GRIK4: variants seen among roughly 807,000 people sequenced by gnomAD.
GRIK4 encodes glutamate receptor ionotropic, kainate 4.
A neutral mutation model predicts 104.9 loss-of-function variants in GRIK4; 40 were observed. The observed-to-expected ratio is 0.38, with a 90% confidence interval of 0.30 to 0.50. The LOEUF is 0.50. Among genes scored for constraint, GRIK4 ranks in the 20% least tolerant of loss-of-function variants. The pLI, the probability that GRIK4 is intolerant of heterozygous loss-of-function variation, is 0.93. For synonymous variants in GRIK4, 485 were observed against 524.9 expected (o/e 0.92, Z 1.04); for missense variants, 1,047 against 1,308.1 (o/e 0.80, Z 3.08).
chr11:120,754,347 G>A (rs894239278), intron 3 of GRIK4, among the ~76,000 whole-genome samples: 9 of 152,206 alleles, frequency 5.9e-5, no homozygotes, highest in Admixed American at 5.9e-4. Flanking sequence ...CAGACAATGT[G>A]TGGCCTTTTG....
intron 19 of GRIK4, among the ~76,000 whole-genome samples, chr11:120,970,033 C>T (rs1292946261): frequency 6.6e-6 from 1 of 152,116 alleles, no homozygotes; most frequent in Non-Finnish European, 1.5e-5. Context: ...TCCTAGCCTC[C>T]CCAACAGAGC....
At chr11:120,814,071 A>G (rs1276328446) in intron 4 of GRIK4, among the ~76,000 whole-genome samples, 1 of 152,184 alleles carries the variant, frequency 6.6e-6, no homozygotes, top group African/African-American at 2.4e-5. Flanking sequence ...ATTCCTTTAG[A>G]CATTCACACA....
chr11:120,904,525 G>A (rs17124520), intron 12 of GRIK4, among the ~76,000 whole-genome samples: 12,241 of 152,190 alleles, frequency 0.08, 1,605 homozygotes, highest in African/African-American at 0.27. Context: ...TTCCTTACTC[G>A]CAGCCTTGCG....
intron 18 of GRIK4, among the ~76,000 whole-genome samples, chr11:120,966,891 G>A (rs537795774): frequency 6.6e-6 from 1 of 152,308 alleles, no homozygotes; most frequent in African/African-American, 2.4e-5. Context: ...TGCCTGGAAA[G>A]CCGTTTCTTG....
At chr11:120,580,203 C>CT (rs1948553178) in intron 1 of GRIK4, among the ~76,000 whole-genome samples, 1 of 65,056 alleles carries the variant, frequency 1.5e-5, no homozygotes, top group African/African-American at 6.5e-5. Flanking sequence ...AGGGTTCTTT[C>CT]TTTCTTTCTT....
rs538612455 is a variant in GRIK4 at position 120,622,132 on chromosome 11, C to T, written c.-158-31553C>T. Among the ~76,000 whole-genome samples, 4 of 152,262 alleles carry T rather than the reference C, an allele frequency of 2.6e-5. No homozygotes were observed. The East Asian group carries it at 7.7e-4, about 29-fold the overall frequency. Reference sequence around the variant, plus strand: ...GCCAGGCTGATCTCAAACTCCTGACCTCAGGTGATCCACCCACCTCGGCCT... The same window carrying T: ...GCCAGGCTGATCTCAAACTCCTGACTTCAGGTGATCCACCCACCTCGGCCT... On this transcript the variant is annotated intron_variant, in intron 1 of 20. Coordinates refer to ENST00000527524, the MANE Select transcript of GRIK4 (RefSeq NM_014619.5).
intron 1 of GRIK4, among the ~76,000 whole-genome samples, chr11:120,637,267 G>A (rs527374808): frequency 6.6e-6 from 1 of 152,236 alleles, no homozygotes; most frequent in South Asian, 2.1e-4. Flanking sequence ...GAGTTGTATT[G>A]TTTGTACCAG....
chr11:120,598,853 T>A (rs1353137952), intron 1 of GRIK4, among the ~76,000 whole-genome samples: 3 of 152,244 alleles, frequency 2.0e-5, no homozygotes, highest in Non-Finnish European at 4.4e-5. Flanking sequence ...ACTTTTTACA[T>A]CCTCTGTTAT....
chr11:120,889,311 G>C (rs1392343745), intron 11 of GRIK4, among the ~76,000 whole-genome samples: 1 of 152,092 alleles, frequency 6.6e-6, no homozygotes, highest in Non-Finnish European at 1.5e-5. Flanking sequence ...TATAATATAA[G>C]AGACTTTGAA....
intron 9 of GRIK4, chr11:120,869,351 G>T (rs1292841562): frequency 3.3e-5 from 5 of 152,298 alleles, no homozygotes; most frequent in Non-Finnish European, 7.3e-5. Flanking sequence ...GCCTACGGGG[G>T]ACACGTCAGT....
chr11:120,562,563 C>T (rs1462968402), intron 1 of GRIK4, among the ~76,000 whole-genome samples: 2 of 152,144 alleles, frequency 1.3e-5, no homozygotes, highest in Non-Finnish European at 2.9e-5. Context: ...AGAGCTTGCA[C>T]ACACAGAAGT....
chr11:120,674,739 C>A (rs964356621), intron 3 of GRIK4, among the ~76,000 whole-genome samples: 4 of 152,204 alleles, frequency 2.6e-5, no homozygotes, highest in Non-Finnish European at 4.4e-5. Context: ...GATGAAAGAA[C>A]AGGGATTTTC....
chr11:120,857,197 T>G (rs762930990), intron 8 of GRIK4, among the ~76,000 whole-genome samples: 6 of 152,118 alleles, frequency 3.9e-5, no homozygotes, highest in African/African-American at 1.2e-4. Flanking sequence ...CAGCCCCCAC[T>G]CAGAGCCTGT....
intron 12 of GRIK4, among the ~76,000 whole-genome samples, chr11:120,898,965 C>T (rs568266711): frequency 1.3e-5 from 2 of 152,246 alleles, no homozygotes; most frequent in South Asian, 2.1e-4. Flanking sequence ...CCAGACCCTG[C>T]GGACCCCTGC....
rs1329521216 is a variant in GRIK4, at chr11:120,988,427, T to C, written c.*2167T>C. 6.6e-6 allele frequency: 1 copy of C among 152,168 alleles called. No homozygotes were observed. Among genetic ancestry groups the C allele is most frequent in the African/African-American group, 2.4e-5 (1 of 41,416 alleles). 9.4% of individuals were successfully genotyped at this position (152,168 alleles called of 1,614,324 possible). On this transcript the variant is annotated 3_prime_UTR_variant, in exon 21 of 21. Transcript: ENST00000527524. ...ATTTGGGGCGGGAAGGGTGGTTTTT[T>C]AAAAAAACTCGTTTTTATGAGCAGG...
chr11:120,750,021 CT>C (rs1243578355), intron 3 of GRIK4, among the ~76,000 whole-genome samples: 2 of 152,070 alleles, frequency 1.3e-5, no homozygotes, highest in Non-Finnish European at 2.9e-5. Flanking sequence ...AATTTTAGCA[CT>C]GGAAGGAGCC....
intron 1 of GRIK4, among the ~76,000 whole-genome samples, chr11:120,546,768 C>T (rs1032881694): frequency 5.3e-5 from 8 of 152,220 alleles, no homozygotes; most frequent in Non-Finnish European, 4.4e-5. Flanking sequence ...CGCCCACCTC[C>T]TGAAGTCCCC....
intron 11 of GRIK4, among the ~76,000 whole-genome samples, chr11:120,881,624 A>G (rs1050274398): frequency 2.0e-5 from 3 of 152,184 alleles, no homozygotes; most frequent in African/African-American, 7.2e-5. Context: ...TCAGGGATCC[A>G]GTGTCATCTT....
chr11:120,518,509 G>A (rs1434428178), intron 1 of GRIK4, among the ~76,000 whole-genome samples: 1 of 152,020 alleles, frequency 6.6e-6, no homozygotes, highest in Non-Finnish European at 1.5e-5. Context: ...CCAGAGAGAC[G>A]AGGGGCCCAA....
Sources: allele counts gnomAD v4.1 joint callset (sites outside exome capture counted in the v4.1 genomes callset), GRCh38; gene constraint gnomAD v4.1.1; transcripts MANE v1.5; gene names NCBI Gene and HGNC (gene_info 2026-07-23, HGNC 2026-07-21).